DTNA: variants seen among roughly 807,000 people sequenced by gnomAD.
DTNA encodes dystrophin-related protein 3.
In DTNA, 43 loss-of-function variants were observed where a neutral mutation model predicts 100.7. That is an observed-to-expected ratio of 0.43 (90% confidence interval 0.33 to 0.55). The LOEUF (loss-of-function observed/expected upper bound fraction) is 0.55. Ranked by LOEUF, DTNA falls within the 20% of genes least tolerant of loss-of-function variation. The probability of loss-of-function intolerance (pLI) is 0.04; values close to 1 mark genes in which losing one functional copy is unlikely to be tolerated. For synonymous variants in DTNA, 349 were observed against 347.9 expected, an observed-to-expected ratio of 1.00 and a Z score of -0.04; for missense variants, 798 against 953.9, an observed-to-expected ratio of 0.84 and a Z score of 2.15.
chr18:34,559,933 T>C (rs1443541686), intron 1 of DTNA, among the ~76,000 whole-genome samples: 1 of 152,228 alleles, frequency 6.6e-6, no homozygotes, highest in African/African-American at 2.4e-5. Flanking sequence ...TGTTTTAGAA[T>C]TATTATGATT....
chr18:34,869,750 G>C (rs772847765), intron 17 of DTNA, among the ~76,000 whole-genome samples: 7 of 152,182 alleles, frequency 4.6e-5, no homozygotes, highest in Non-Finnish European at 8.8e-5. Context: ...GGCCGTGCAC[G>C]GTGGCTCACG....
chr18:34,651,789 C>T (rs1266888711), intron 1 of DTNA, among the ~76,000 whole-genome samples: 1 of 152,114 alleles, frequency 6.6e-6, no homozygotes, highest in Non-Finnish European at 1.5e-5. Flanking sequence ...CTGGGCCGAG[C>T]ATGGTGACTC....
At chr18:34,708,086 C>G (rs1297141817), upstream of DTNA, 2 of 152,168 alleles carry the variant, frequency 1.3e-5, no homozygotes, top group Non-Finnish European at 2.9e-5. Flanking sequence ...CTACCACAGG[C>G]TTTTTTAACC....
At chr18:34,839,259 A>G (rs1251407781) in intron 13 of DTNA, among the ~76,000 whole-genome samples, 2 of 152,212 alleles carry the variant, frequency 1.3e-5, no homozygotes, top group Non-Finnish European at 2.9e-5. Flanking sequence ...AAAAAGAGAA[A>G]ATGCGATGTG....
intron 1 of DTNA, among the ~76,000 whole-genome samples, chr18:34,524,021 G>T (rs983631973): frequency 1.3e-5 from 2 of 152,166 alleles, no homozygotes; most frequent in African/African-American, 2.4e-5. Flanking sequence ...GTAGGTCACT[G>T]TGTTGCCTAG....
At chr18:34,869,945 C>T (rs1051531017) in intron 17 of DTNA, among the ~76,000 whole-genome samples, 6 of 152,188 alleles carry the variant, frequency 3.9e-5, no homozygotes, top group South Asian at 2.1e-4. Flanking sequence ...GGCATGAACC[C>T]GGGAGGCGGA....
At chr18:34,728,139 G>A (rs2147212062) in intron 1 of DTNA, among the ~76,000 whole-genome samples, 1 of 152,336 alleles carries the variant, frequency 6.6e-6, no homozygotes, top group East Asian at 1.9e-4. Context: ...CATACTCAAT[G>A]TGAATGCAGC....
At chr18:34,666,091 C>T (rs1291269807) in intron 1 of DTNA, among the ~76,000 whole-genome samples, 1 of 152,158 alleles carries the variant, frequency 6.6e-6, no homozygotes, top group Non-Finnish European at 1.5e-5. Flanking sequence ...TCTGTTGTTT[C>T]CTGACTTTTA....
chr18:34,727,916 A>G (rs760967016), intron 1 of DTNA, among the ~76,000 whole-genome samples: 2 of 152,166 alleles, frequency 1.3e-5, no homozygotes, highest in Non-Finnish European at 2.9e-5. Flanking sequence ...TTTTTTATAA[A>G]ATGCCATCTA....
At chr18:34,883,563 G>A (rs2096894326) in intron 21 of DTNA, among the ~76,000 whole-genome samples, 1 of 151,938 alleles carries the variant, frequency 6.6e-6, no homozygotes, top group South Asian at 2.1e-4. Flanking sequence ...TCCCACCCCG[G>A]CCTCCCAAAG....
intron 4 of DTNA, among the ~76,000 whole-genome samples, chr18:34,795,565 G>A (rs2149067138): frequency 6.6e-6 from 1 of 152,284 alleles, no homozygotes; most frequent in East Asian, 1.9e-4. Context: ...ACCTGGCCAT[G>A]GCATTTCTGT....
chr18:34,609,033 G>A (rs367724131), intron 1 of DTNA, among the ~76,000 whole-genome samples: 1 of 152,084 alleles, frequency 6.6e-6, no homozygotes, highest in African/African-American at 2.4e-5. Flanking sequence ...TGGCACTTTG[G>A]GAAAATAAAG....
At chr18:34,742,595 T>G (rs2090859464) in intron 1 of DTNA, among the ~76,000 whole-genome samples, 1 of 55,452 alleles carries the variant, frequency 1.8e-5, no homozygotes, top group African/African-American at 5.9e-5. Context: ...TTCACAAATT[T>G]GGGGGGGTTA....
At chr18:34,664,129 A>G (rs961960974) in intron 1 of DTNA, among the ~76,000 whole-genome samples, 2 of 152,168 alleles carry the variant, frequency 1.3e-5, no homozygotes, top group African/African-American at 4.8e-5. Flanking sequence ...TACTATTTCA[A>G]ACTACAAGTC....
intron 7 of DTNA, among the ~76,000 whole-genome samples, chr18:34,816,888 C>G (rs1361902439): frequency 6.6e-6 from 1 of 152,080 alleles, no homozygotes; most frequent in African/African-American, 2.4e-5. Flanking sequence ...ATGAATTTAT[C>G]CTGTTTTTCT....
In DTNA at chr18:34,631,443, CTG is replaced by C. The variant is rs377653783; in HGVS notation, c.-1-124532_-1-124531del. On this transcript the variant is annotated intron_variant, in intron 1 of 19. Transcript: ENST00000283365. ...TATCACTATTTTTAAATTGAGAAAA[CTG>C]AGATTCTAAAAGGTTACTTATAGCA... 5.1e-3 allele frequency among the ~76,000 whole-genome samples: 777 copies of C among 152,182 alleles called. 4 individuals are homozygous for C. The highest frequency in any genetic ancestry group is 0.018 in the African/African-American group (745 of 41,520).
intron 17 of DTNA, chr18:34,866,695 A>G (rs1342048810): frequency 2.3e-5 from 23 of 996,736 alleles, no homozygotes; most frequent in Non-Finnish European, 2.8e-5. Flanking sequence ...AAATGTGCTC[A>G]ATTTTGTGAG....
intron 1 of DTNA, among the ~76,000 whole-genome samples, chr18:34,558,719 G>A (rs1214738096): frequency 6.6e-6 from 1 of 152,080 alleles, no homozygotes; most frequent in Non-Finnish European, 1.5e-5. Flanking sequence ...ATTTGAGCAG[G>A]GATCTTAATG....
chr18:34,818,321 C>A lies in DTNA; in HGVS notation c.867C>A (p.Tyr289Ter). 6.2e-7 allele frequency: 1 copy of A among 1,613,774 alleles called. No homozygotes were observed. Among genetic ancestry groups the A allele is most frequent in the Non-Finnish European group, 8.5e-7 (1 of 1,179,826 alleles). The stretch of plus-strand genomic sequence containing the variant: ...GCAACCAGCACCAAATGAAAGAGTA[C>A]ACGTCATGGGTAAGGCAAGGTCCAG... ...SHSNQHQMKEYTSWKSPAKKL... is the reference protein window; with the variant it reads ...SHSNQHQMKE The change falls in exon 8 of 23, where the codon TAC becomes TAA. Residue 289 changes from tyrosine (Y) to a stop codon, truncating the protein, a stop_gained. Coordinates refer to ENST00000444659, the MANE Select transcript of DTNA (RefSeq NM_001386795.1). LOFTEE classifies it high-confidence loss of function.
Sources: allele counts gnomAD v4.1 joint callset (sites outside exome capture counted in the v4.1 genomes callset), GRCh38; gene constraint gnomAD v4.1.1; transcripts MANE v1.5; gene names NCBI Gene and HGNC (gene_info 2026-07-23, HGNC 2026-07-21).